Variants in KTN1 observed in about 807,000 individuals in gnomAD.
KTN1 encodes kinectin 1.
A neutral mutation model predicts 222.5 loss-of-function variants in KTN1; 130 were observed. That is an observed-to-expected ratio of 0.58 (90% CI 0.51 to 0.68). KTN1 has a LOEUF of 0.68. KTN1 is among the 30% of genes least tolerant of loss of function. The pLI is 0.00. For missense variants in KTN1, 1,508 were observed against 1,500.4 expected (o/e 1.01, Z -0.08); for synonymous variants, 512 against 496.3 (o/e 1.03, Z -0.42).
intron 2 of KTN1, among the ~76,000 whole-genome samples, chr14:55,613,491 A>ATTTT (rs57451000): frequency 1.5e-5 from 2 of 129,254 alleles, no homozygotes; most frequent in African/African-American, 2.9e-5. Flanking sequence ...GTTATATTTG[A>ATTTT]TTTTTTTTTT....
intron 1 of KTN1, chr14:55,607,565 G>A (rs1228480402): frequency 6.6e-6 from 1 of 152,204 alleles, no homozygotes; most frequent in Non-Finnish European, 1.5e-5. Context: ...GGTGTGGAAT[G>A]TGGTTTTAAA....
Position 55,684,166 on chromosome 14 carries a change from A to C in KTN1, c.*63A>C, listed in dbSNP as rs2046595931. 7.5e-7 allele frequency: 1 copy of C among 1,337,990 alleles called. No homozygotes were observed. The highest frequency in any genetic ancestry group is 1.3e-5 in the South Asian group (1 of 78,260). The allele number at this position is 1,337,990 out of a possible 1,614,324, so 82.9% of individuals were successfully genotyped here. A position where few individuals can be genotyped will look rare whatever the true frequency, so the allele number is the denominator to read the frequency against. On this transcript the variant is annotated 3_prime_UTR_variant, in exon 44 of 44. Transcript: ENST00000395314. ...CATTGTATTATATTTTGCCAAATTA[A>C]AGCCTTATTTATGTTTTCACCCTTT...
At chr14:55,640,208 A>G (rs997818585) in intron 14 of KTN1, among the ~76,000 whole-genome samples, 166 bp from the exon 15 acceptor site, 3 of 151,908 alleles carry the variant, frequency 2.0e-5, no homozygotes, top group Non-Finnish European at 4.4e-5. Context: ...AATTTACAAT[A>G]ATTTGATAGG....
intron 1 of KTN1, among the ~76,000 whole-genome samples, chr14:55,597,178 A>T (rs1240351548): frequency 6.6e-6 from 1 of 152,158 alleles, no homozygotes; most frequent in Non-Finnish European, 1.5e-5. Context: ...GGGCTCCCAG[A>T]TAGATGGGAG....
At chr14:55,646,913 C>T in intron 18 of KTN1, 60 bp from the exon 19 acceptor site, 2 of 1,026,718 alleles carry the variant, frequency 1.9e-6, no homozygotes, top group Non-Finnish European at 1.5e-6. Flanking sequence ...CATTTCTCAT[C>T]TGGTTTTACT....
chr14:55,650,083 G>A (rs1245562208), intron 22 of KTN1, among the ~76,000 whole-genome samples: 1 of 151,924 alleles, frequency 6.6e-6, no homozygotes, highest in African/African-American at 2.4e-5. Flanking sequence ...ATTCCTCAGG[G>A]TACAAATCTT....
At chr14:55,683,903 A>G (rs2046574948) in intron 43 of KTN1, among the ~76,000 whole-genome samples, 196 bp from the exon 44 acceptor site, 1 of 152,072 alleles carries the variant, frequency 6.6e-6, no homozygotes, top group South Asian at 2.1e-4. Context: ...AAAAGTATCT[A>G]CCTAAAAGCT....
rs10083352 is a variant in KTN1 at position 55,599,657 on chromosome 14, A to G, written c.-30-12362A>G. 6.5e-3 allele frequency among the ~76,000 whole-genome samples: 992 copies of G among 152,110 alleles called. 20 individuals are homozygous for G. Among genetic ancestry groups the G allele is most frequent in the African/African-American group, 0.023 (950 of 41,478 alleles). On this transcript the variant is annotated intron_variant, in intron 1 of 43. Transcript: ENST00000395314. Reference sequence around the variant, plus strand: ...CGCTCGGCTAATTTTTTGTAGTTTTAGTAGAGACGGGGTTTCGCCATGTTG... The same window carrying G: ...CGCTCGGCTAATTTTTTGTAGTTTTGGTAGAGACGGGGTTTCGCCATGTTG...
intron 1 of KTN1, among the ~76,000 whole-genome samples, chr14:55,586,286 AT>A (rs1594677314): frequency 6.6e-6 from 1 of 152,198 alleles, no homozygotes; most frequent in Non-Finnish European, 1.5e-5. Flanking sequence ...CACTTACTGC[AT>A]GTGTGATCTT....
rs1031228556 is a variant in KTN1, at chr14:55,608,995, T to C, written c.-30-3024T>C. ...TCCTAGGGATAAAGAATTGGGATTG[T>C]TGGGTTAAAGGAATGCAAACATTTT... On this transcript the variant is annotated intron_variant, in intron 1 of 43. Transcript: ENST00000395314. Among the ~76,000 whole-genome samples, 10 of 152,058 alleles carry C rather than the reference T, an allele frequency of 6.6e-5. No individual in the cohort carries two copies. The South Asian group carries it at 1.9e-3, about 28-fold the overall frequency.
chr14:55,605,420 A>G (rs2036582585), intron 1 of KTN1, among the ~76,000 whole-genome samples: 1 of 152,086 alleles, frequency 6.6e-6, no homozygotes, highest in South Asian at 2.1e-4. Flanking sequence ...TTGTGGGCTT[A>G]TATCTGGATA....
At chr14:55,587,683 C>G (rs1375649581) in intron 1 of KTN1, among the ~76,000 whole-genome samples, 1 of 152,122 alleles carries the variant, frequency 6.6e-6, no homozygotes, top group Non-Finnish European at 1.5e-5. Context: ...TAATCTGGGT[C>G]TCTTGAGGTT....
At chr14:55,624,595 A>G (rs1253111624) in intron 5 of KTN1, among the ~76,000 whole-genome samples, 2 of 152,202 alleles carry the variant, frequency 1.3e-5, no homozygotes, top group Non-Finnish European at 2.9e-5. Flanking sequence ...GAGGAAGATA[A>G]TCCACTATCA....
chr14:55,637,154 A>G lies in KTN1; in HGVS notation c.1550-44A>G, dbSNP rs10483646. ...ACACGAAAGATGAGTATGAGTAACT[A>G]GGCAAAGAAAGAGACCTCTGTAAAA... On this transcript the variant is annotated intron_variant, in intron 10 of 43. Transcript: ENST00000395314. 5.6e-6 allele frequency: 8 copies of G among 1,432,348 alleles called. No homozygotes were observed. In the African/African-American group the frequency reaches 1.0e-4, roughly 18 times the overall value. The allele number at this position is 1,432,348 out of a possible 1,614,324, so 88.7% of individuals were successfully genotyped here. A position where few individuals can be genotyped will look rare whatever the true frequency, so the allele number is the denominator to read the frequency against.
At chr14:55,622,499 T>C (rs2039289906) in intron 5 of KTN1, among the ~76,000 whole-genome samples, 4 of 152,194 alleles carry the variant, frequency 2.6e-5, no homozygotes, top group Admixed American at 2.6e-4. Context: ...CTGGGAAAGG[T>C]GACAAATTTT....
chr14:55,667,347 AT>A lies in KTN1; in HGVS notation c.3267+24del, dbSNP rs777404695. 8.5e-6 allele frequency: 12 copies of A among 1,413,886 alleles called. No homozygotes were observed. Among genetic ancestry groups the A allele is most frequent in the Admixed American group, 3.8e-5 (2 of 51,992 alleles). 87.6% of individuals were successfully genotyped at this position (1,413,886 alleles called of 1,614,324 possible). ...TCTAATTTGGTAAGACTAATTTATT[AT>A]TTTTTTAACATGATGACATTATTCA... On this transcript the variant is annotated intron_variant, in intron 34 of 43. Transcript: ENST00000395314.
chr14:55,678,625 G>A (rs1370431004), intron 42 of KTN1, 181 bp downstream of exon 42: 1 of 558,318 alleles, frequency 1.8e-6, no homozygotes, highest in Admixed American at 2.9e-5. Flanking sequence ...TTAATTTTAA[G>A]GGTTGTGTTG....
At chr14:55,603,783 T>G (rs999156530) in intron 1 of KTN1, among the ~76,000 whole-genome samples, 1 of 152,176 alleles carries the variant, frequency 6.6e-6, no homozygotes, top group Non-Finnish European at 1.5e-5. Context: ...ACCTAACTCC[T>G]TATCTCCAGC....
At chr14:55,656,614 C>T (rs2043505108) in intron 29 of KTN1, among the ~76,000 whole-genome samples, 2 of 151,984 alleles carry the variant, frequency 1.3e-5, no homozygotes, top group Non-Finnish European at 2.9e-5. Flanking sequence ...TACAGGCATG[C>T]ACCACTATGC....
Sources: allele counts gnomAD v4.1 joint callset (sites outside exome capture counted in the v4.1 genomes callset), GRCh38; gene constraint gnomAD v4.1.1; transcripts MANE v1.5; gene names NCBI Gene and HGNC (gene_info 2026-07-23, HGNC 2026-07-21).